Variants in MAP2 observed in about 807,000 individuals in gnomAD.
The protein encoded by MAP2 is microtubule-associated protein 2.
MAP2 carries 14 observed loss-of-function variants against 137.6 expected under a neutral mutation model. The observed-to-expected ratio is 0.10, with a 90% confidence interval of 0.07 to 0.16. The LOEUF is 0.16. Ranked by LOEUF, MAP2 falls within the 10% of genes least tolerant of loss-of-function variation. The pLI, the probability that MAP2 is intolerant of heterozygous loss-of-function variation, is 1.00. For synonymous variants in MAP2, 786 were observed against 782.3 expected (o/e 1.00, Z -0.08); for missense variants, 2,088 against 2,191.5 (o/e 0.95, Z 0.94).
intron 1 of MAP2, among the ~76,000 whole-genome samples, chr2:209,436,030 A>ATAAAGTATATAT (rs1553537349): frequency 7.3e-6 from 1 of 137,330 alleles, no homozygotes; most frequent in Non-Finnish European, 1.6e-5. Flanking sequence ...TATAAAATAT[A>ATAAAGTATATAT]TATATATGTA....
intron 1 of MAP2, among the ~76,000 whole-genome samples, chr2:209,488,922 T>C (rs1193480890): frequency 3.3e-5 from 5 of 152,134 alleles, no homozygotes; most frequent in Admixed American, 1.3e-4. Flanking sequence ...TCTCCCAGCA[T>C]AGTGCTCGAG....
At chr2:209,508,582 TCCCA>T (rs1389023300) in intron 2 of MAP2, among the ~76,000 whole-genome samples, 1 of 57,944 alleles carries the variant, frequency 1.7e-5, no homozygotes, top group Admixed American at 2.0e-4. Context: ...ACTCTCTCTG[TCCCA>T]CACACACACA....
At chr2:209,541,256 C>A (rs2066981357) in intron 2 of MAP2, among the ~76,000 whole-genome samples, 1 of 151,134 alleles carries the variant, frequency 6.6e-6, no homozygotes, top group African/African-American at 2.5e-5. Flanking sequence ...TCTCGAACTT[C>A]TAACTTCAAG....
intron 3 of MAP2, among the ~76,000 whole-genome samples, chr2:209,609,809 T>C (rs928811527): frequency 2.6e-5 from 4 of 152,178 alleles, no homozygotes; most frequent in African/African-American, 9.6e-5. Flanking sequence ...CTTTAATACA[T>C]GTGAGATTGT....
intron 1 of MAP2, among the ~76,000 whole-genome samples, chr2:209,441,784 C>A (rs1019798212): frequency 3.3e-5 from 5 of 151,516 alleles, no homozygotes; most frequent in African/African-American, 1.2e-4. Flanking sequence ...GAGGAACAGG[C>A]CTTCAGTTCT....
chr2:209,561,131 C>A (rs1190708008), intron 2 of MAP2, among the ~76,000 whole-genome samples: 2 of 152,120 alleles, frequency 1.3e-5, no homozygotes, highest in Non-Finnish European at 2.9e-5. Flanking sequence ...TTTACACGTC[C>A]TCTTTTCATT....
At chr2:209,507,312 A>G (rs960778468) in intron 1 of MAP2, among the ~76,000 whole-genome samples, 1 of 152,206 alleles carries the variant, frequency 6.6e-6, no homozygotes, top group Non-Finnish European at 1.5e-5. Context: ...GTTTTAGAAT[A>G]TAAACATAGG....
rs147861980 is a variant in MAP2, at chr2:209,694,268, A to C, written c.2098A>C (p.Met700Leu). 1 of 1,614,018 alleles carries C rather than the reference A, an allele frequency of 6.2e-7. No homozygotes were observed. Among genetic ancestry groups the C allele is most frequent in the Non-Finnish European group, 8.5e-7 (1 of 1,180,016 alleles). ...GGRSAIEQRSMSINLPMSCLD... is the reference protein window; with the variant it reads ...GGRSAIEQRSLSINLPMSCLD... ...TAGGTCTGCAATAGAACAAAGAAGC[A>C]TGTCAATCAATTTGCCGATGTCTTG... is the stretch of plus-strand genomic sequence containing the variant. Residue 700 changes from methionine (M) to leucine (L), a missense_variant, in exon 8 of 16, where the codon ATG (methionine) becomes CTG (leucine). Met to Leu is a conservative substitution (Grantham distance 15). Coordinates refer to ENST00000682079, the MANE Select transcript of MAP2 (RefSeq NM_001375505.1).
intron 1 of MAP2, among the ~76,000 whole-genome samples, chr2:209,435,043 T>A (rs989382583): frequency 6.7e-6 from 1 of 149,656 alleles, no homozygotes; most frequent in East Asian, 1.9e-4. Flanking sequence ...CTTTTTAATA[T>A]TGAGATATTA....
chr2:209,521,235 C>A (rs903501016), intron 2 of MAP2, among the ~76,000 whole-genome samples: 4 of 152,032 alleles, frequency 2.6e-5, no homozygotes, highest in African/African-American at 9.7e-5. Flanking sequence ...CACTTTTATT[C>A]AGGTGGCAGC....
intron 3 of MAP2, among the ~76,000 whole-genome samples, chr2:209,624,724 A>G (rs60359169): frequency 0.17 from 26,111 of 152,086 alleles, 3,281 homozygotes; most frequent in African/African-American, 0.35. Context: ...AGAAAATATG[A>G]TTGTCTGCTA....
chr2:209,692,677 C>G lies in MAP2; in HGVS notation c.507C>G (p.Pro169=). Residue 169 remains proline, a synonymous_variant, in exon 8 of 16, where the codon CCC becomes CCG. Coordinates refer to ENST00000682079, the MANE Select transcript of MAP2 (RefSeq NM_001375505.1). Reference sequence around the variant, plus strand: ...TCCACGATCAACAGGAATTGACTCCCTCTACAGCTGAGCCTTCAGACCAGA... The same window carrying G: ...TCCACGATCAACAGGAATTGACTCCGTCTACAGCTGAGCCTTCAGACCAGA... ...MEFHDQQELT[P]STAEPSDQKE... The G allele has an allele frequency of 6.2e-7, 1 of 1,611,086 alleles. No homozygotes were observed. The highest frequency in any genetic ancestry group is 1.1e-5 in the South Asian group (1 of 90,478).
intron 1 of MAP2, among the ~76,000 whole-genome samples, chr2:209,457,204 G>A (rs955499683): frequency 1.3e-5 from 2 of 152,154 alleles, no homozygotes; most frequent in Admixed American, 6.5e-5. Flanking sequence ...GAATCGTGAA[G>A]GGCGTGAATG....
chr2:209,581,330 T>C (rs1052995243), intron 3 of MAP2, among the ~76,000 whole-genome samples: 1 of 152,174 alleles, frequency 6.6e-6, no homozygotes, highest in African/African-American at 2.4e-5. Context: ...ATAAAGATTT[T>C]TGAACAGGAG....
intron 3 of MAP2, among the ~76,000 whole-genome samples, chr2:209,585,917 A>C (rs544406153): frequency 6.6e-6 from 1 of 152,270 alleles, no homozygotes; most frequent in South Asian, 2.1e-4. Context: ...GCATCTGTGA[A>C]AGGCACTTTA....
At chr2:209,529,527 A>G (rs1193665914) in intron 2 of MAP2, among the ~76,000 whole-genome samples, 1 of 152,164 alleles carries the variant, frequency 6.6e-6, no homozygotes, top group Non-Finnish European at 1.5e-5. Context: ...ACTCTTCAAG[A>G]AAAAATATAT....
intron 4 of MAP2, among the ~76,000 whole-genome samples, chr2:209,626,929 A>G (rs1443648936): frequency 1.3e-5 from 2 of 152,186 alleles, no homozygotes; most frequent in Non-Finnish European, 2.9e-5. Flanking sequence ...AGATTTATGT[A>G]TAAGGAATTC....
At chr2:209,718,500 C>T (rs548942625) in intron 13 of MAP2, among the ~76,000 whole-genome samples, 1 of 152,206 alleles carries the variant, frequency 6.6e-6, no homozygotes, top group Non-Finnish European at 1.5e-5. Flanking sequence ...CCAGCGCCCA[C>T]TGAGAGACCA....
At chr2:209,722,417 A>T (rs1342406789) in intron 13 of MAP2, among the ~76,000 whole-genome samples, 2 of 152,218 alleles carry the variant, frequency 1.3e-5, no homozygotes, top group African/African-American at 2.4e-5. Flanking sequence ...ATACCAAAAG[A>T]TGTGGTAATA....
Sources: allele counts gnomAD v4.1 joint callset (sites outside exome capture counted in the v4.1 genomes callset), GRCh38; gene constraint gnomAD v4.1.1; transcripts MANE v1.5; gene names NCBI Gene and HGNC (gene_info 2026-07-23, HGNC 2026-07-21).